The following PCSK2 variants were observed in gnomAD, a reference collection of about 807,000 sequenced individuals.
The protein encoded by PCSK2 is proprotein convertase subtilisin/kexin type 2.
A neutral mutation model predicts 69.7 loss-of-function variants in PCSK2; 14 were observed. The observed-to-expected ratio is 0.20, with a 90% CI of 0.13 to 0.31. The LOEUF (loss-of-function observed/expected upper bound fraction) is 0.31. Ranked by LOEUF, PCSK2 falls within the 10% of genes least tolerant of loss-of-function variation. PCSK2 has a pLI of 1.00. For synonymous variants in PCSK2, 307 were observed against 320.7 expected, an observed-to-expected ratio of 0.96 and a Z score of 0.46; for missense variants, 544 against 842.5, an observed-to-expected ratio of 0.65 and a Z score of 4.39.
At chr20:17,227,753 C>T (rs1985985767) in intron 1 of PCSK2, among the ~76,000 whole-genome samples, 1 of 152,174 alleles carries the variant, frequency 6.6e-6, no homozygotes, top group African/African-American at 2.4e-5. Context: ...CACAGGATGC[C>T]ATGCTCCGGG....
intron 2 of PCSK2, among the ~76,000 whole-genome samples, chr20:17,308,498 A>AC (rs984025180): frequency 1.3e-4 from 20 of 152,320 alleles, no homozygotes; most frequent in African/African-American, 4.8e-4. Context: ...GGTCCCGAGG[A>AC]CAGAACAAAT....
intron 11 of PCSK2, among the ~76,000 whole-genome samples, chr20:17,478,347 T>C (rs1014174792): frequency 2.0e-5 from 3 of 152,182 alleles, no homozygotes; most frequent in Non-Finnish European, 4.4e-5. Flanking sequence ...ATGCCCATAA[T>C]AGGCATCTGA....
intron 4 of PCSK2, among the ~76,000 whole-genome samples, chr20:17,363,076 C>T (rs1278184216): frequency 6.6e-6 from 1 of 152,258 alleles, no homozygotes; most frequent in East Asian, 1.9e-4. Context: ...AGGTTAAAGA[C>T]AGACACAGAT....
chr20:17,390,150 A>G (rs768240068), intron 5 of PCSK2, among the ~76,000 whole-genome samples: 1 of 152,246 alleles, frequency 6.6e-6, no homozygotes, highest in Non-Finnish European at 1.5e-5. Flanking sequence ...AGACAAATGC[A>G]AGAGTACATA....
chr20:17,424,639 C>T (rs139874421), intron 6 of PCSK2, among the ~76,000 whole-genome samples: 303 of 152,076 alleles, frequency 2.0e-3, no homozygotes, highest in African/African-American at 6.8e-3. Flanking sequence ...ATTACAGGCA[C>T]GCGCCACCAC....
intron 2 of PCSK2, among the ~76,000 whole-genome samples, chr20:17,285,103 G>A (rs1225299708): frequency 6.6e-6 from 1 of 152,176 alleles, no homozygotes; most frequent in African/African-American, 2.4e-5. Flanking sequence ...GGGTAAAAGT[G>A]AAGGCTGATT....
intron 11 of PCSK2, among the ~76,000 whole-genome samples, chr20:17,475,019 T>C (rs544846475): frequency 3.1e-4 from 47 of 151,852 alleles, no homozygotes; most frequent in African/African-American, 1.1e-3. Context: ...GAGCCTGAGA[T>C]TGGGTTTGAG....
intron 2 of PCSK2, among the ~76,000 whole-genome samples, chr20:17,263,575 T>C (rs899984394): frequency 1.3e-5 from 2 of 152,258 alleles, no homozygotes; most frequent in African/African-American, 4.8e-5. Context: ...GCCCTTCTCA[T>C]TTTATATTTT....
intron 5 of PCSK2, among the ~76,000 whole-genome samples, chr20:17,402,442 G>T (rs1038688308): frequency 6.6e-6 from 1 of 152,034 alleles, no homozygotes; most frequent in Non-Finnish European, 1.5e-5. Flanking sequence ...GAGGCAGGCA[G>T]ATCACTTGAC....
intron 10 of PCSK2, among the ~76,000 whole-genome samples, chr20:17,462,830 C>T (rs1326938073): frequency 2.0e-5 from 3 of 152,184 alleles, no homozygotes; most frequent in African/African-American, 2.4e-5. Flanking sequence ...ACCTGTATAT[C>T]GCAGATACTC....
intron 2 of PCSK2, among the ~76,000 whole-genome samples, chr20:17,330,343 C>T (rs1990176457): frequency 6.6e-6 from 1 of 151,868 alleles, no homozygotes; most frequent in Admixed American, 6.5e-5. Context: ...CCTGTAATCC[C>T]AGCACTTTGG....
chr20:17,291,078 A>G (rs1346927798), intron 2 of PCSK2, among the ~76,000 whole-genome samples: 1 of 152,020 alleles, frequency 6.6e-6, no homozygotes, highest in African/African-American at 2.4e-5. Flanking sequence ...AGGAGGGGAC[A>G]CTCAAACCAT....
At chr20:17,272,622 A>G (rs1409896842) in intron 2 of PCSK2, among the ~76,000 whole-genome samples, 1 of 152,074 alleles carries the variant, frequency 6.6e-6, no homozygotes, top group East Asian at 1.9e-4. Context: ...AGTTCTTAAG[A>G]AAAAAGTTAA....
At chr20:17,234,227 C>T (rs986980518) in intron 1 of PCSK2, among the ~76,000 whole-genome samples, 12 of 152,270 alleles carry the variant, frequency 7.9e-5, no homozygotes, top group African/African-American at 2.9e-4. Flanking sequence ...TCACAATATA[C>T]TACCAAACAA....
intron 1 of PCSK2, among the ~76,000 whole-genome samples, chr20:17,242,170 A>C (rs903453207): frequency 6.6e-6 from 1 of 152,194 alleles, no homozygotes; most frequent in African/African-American, 2.4e-5. Context: ...GGAAGAGTGG[A>C]TCCTGGAATT....
At chr20:17,333,748 C>T (rs1990264224) in intron 2 of PCSK2, among the ~76,000 whole-genome samples, 3 of 151,696 alleles carry the variant, frequency 2.0e-5, no homozygotes, top group Admixed American at 2.0e-4. Flanking sequence ...ACCTGTGTGA[C>T]CTCAGGCAAG....
Position 17,227,054 on chromosome 20 carries a change from G to A in PCSK2, c.-252G>A. 1 of 502,466 alleles carries A rather than the reference G, an allele frequency of 2.0e-6. No homozygotes were observed. 31.1% of individuals were successfully genotyped at this position (502,466 alleles called of 1,614,324 possible). A position where few individuals can be genotyped will look rare whatever the true frequency, so the allele number is the denominator to read the frequency against. On this transcript the variant is annotated 5_prime_UTR_variant, in exon 1 of 12. Coordinates refer to ENST00000262545, the MANE Select transcript of PCSK2 (RefSeq NM_002594.5). ...GACCTACACTCGCTCTTTCTCTCCG[G>A]TACACACAGCTCCCCACATTCGCAC...
At chr20:17,367,267 A>G (rs181178180) in intron 4 of PCSK2, among the ~76,000 whole-genome samples, 166 of 152,292 alleles carry the variant, frequency 1.1e-3, no homozygotes, top group African/African-American at 3.9e-3. Context: ...TTTCTTCTGC[A>G]TATGCACACT....
chr20:17,357,925 A>G (rs973668460), intron 2 of PCSK2, among the ~76,000 whole-genome samples: 3 of 151,788 alleles, frequency 2.0e-5, no homozygotes, highest in African/African-American at 7.3e-5. Context: ...ACTTTTCTCT[A>G]TCTAATTCTT....
Sources: allele counts gnomAD v4.1 joint callset (sites outside exome capture counted in the v4.1 genomes callset), GRCh38; gene constraint gnomAD v4.1.1; transcripts MANE v1.5; gene names NCBI Gene and HGNC (gene_info 2026-07-23, HGNC 2026-07-21).